Variants in ALG12 observed in about 807,000 individuals in gnomAD.
The protein encoded by ALG12 is dol-P-Man:Man(7)GlcNAc(2)-PP-Dol alpha-1,6-mannosyltransferase.
A neutral mutation model predicts 46.0 loss-of-function variants in ALG12; 36 were observed. The observed-to-expected ratio is 0.78, with a 90% CI of 0.60 to 1.03. ALG12 has a LOEUF of 1.03. Ranked by LOEUF, ALG12 falls within the 50% of genes least tolerant of loss-of-function variation. The pLI, the probability that ALG12 is intolerant of heterozygous loss-of-function variation, is 0.00. For synonymous variants in ALG12, 326 were observed against 291.6 expected (o/e 1.12, Z -1.20); for missense variants, 599 against 633.5 (o/e 0.95, Z 0.58).
the ALG12 span, among the ~76,000 whole-genome samples, chr22:49,862,197 G>A: frequency 1.3e-5 from 2 of 152,256 alleles, no homozygotes; most frequent in Non-Finnish European, 2.9e-5. Context: ...CCCGAGGGCG[G>A]TTGGCCCTGT....
intron 1 of ALG12, among the ~76,000 whole-genome samples, chr22:49,914,545 G>A (rs868511092): frequency 3.3e-5 from 5 of 152,336 alleles, no homozygotes; most frequent in Middle Eastern, 3.4e-3. Context: ...TCAGGGGCCC[G>A]TGGCACGGAG....
At chr22:49,899,598 C>T (rs1472957368), downstream of ALG12, among the ~76,000 whole-genome samples, 1 of 151,996 alleles carries the variant, frequency 6.6e-6, no homozygotes, top group East Asian at 1.9e-4. Flanking sequence ...GGGAACGTGG[C>T]AATACCCAAT....
chr22:49,913,498 G>T lies in ALG12; in HGVS notation c.182C>A (p.Pro61His), dbSNP rs2060592049. Reference sequence around the variant, plus strand: ...GAGGAACGTCCTGGGGACGACTCCGGGGAACTCAAGATGGTCGTACTGCGA... The same window carrying T: ...GAGGAACGTCCTGGGGACGACTCCGTGGAACTCAAGATGGTCGTACTGCGA... The part of the protein sequence containing the change: ...DLEQYDHLEF[P>H]GVVPRTFLGP... Residue 61 changes from proline to histidine, a missense_variant, in exon 3 of 10, where the codon CCC becomes CAC. Transcript: ENST00000330817. The T allele has an allele frequency of 1.2e-6, 2 of 1,613,860 alleles. No homozygotes were observed. Among genetic ancestry groups the T allele is most frequent in the African/African-American group, 1.3e-5 (1 of 74,954 alleles).
chr22:49,893,473 A>C, the ALG12 span, among the ~76,000 whole-genome samples: 2 of 152,244 alleles, frequency 1.3e-5, no homozygotes, highest in Admixed American at 6.5e-5. Flanking sequence ...CTGACTCTCT[A>C]AAACAAATAG....
intron 1 of ALG12, among the ~76,000 whole-genome samples, chr22:49,916,921 G>A (rs1254409843): frequency 6.6e-6 from 1 of 152,250 alleles, no homozygotes; most frequent in East Asian, 1.9e-4. Flanking sequence ...CCCCAGCAAG[G>A]AAGAGTTCAG....
chr22:49,895,805 C>T (rs966931793), downstream of ALG12, among the ~76,000 whole-genome samples: 2 of 152,094 alleles, frequency 1.3e-5, no homozygotes, highest in Non-Finnish European at 2.9e-5. Flanking sequence ...TAAAGAATTG[C>T]CTTCTACTTA....
In ALG12 at chr22:49,906,131, C is replaced by T. The variant is rs2060540701; in HGVS notation, c.992+1590G>A. ...TTTGTCCTCCTCCGGATAAGGCCGACTGGCACAGCAGGGGCCCTTGCATGG... is the reference window on the plus strand; with the variant it reads ...TTTGTCCTCCTCCGGATAAGGCCGATTGGCACAGCAGGGGCCCTTGCATGG... On this transcript the variant is annotated intron_variant, in intron 7 of 9. Coordinates refer to ENST00000330817, the MANE Select transcript of ALG12 (RefSeq NM_024105.4). The surrounding 1 kb of genome is among the most constrained non-coding windows in gnomAD (Gnocchi z 4.4). Among the ~76,000 whole-genome samples the T allele has an allele frequency of 6.6e-6, 1 of 152,198 alleles. No individual in the cohort carries two copies. Among genetic ancestry groups the T allele is most frequent in the Non-Finnish European group, 1.5e-5 (1 of 68,028 alleles).
chr22:49,913,735 G>C lies in ALG12; in HGVS notation c.31C>G (p.Pro11Ala). MAGKGSSGRRPLLLGLLVAVA... is the reference protein window; with the variant it reads MAGKGSSGRRALLLGLLVAVA... ...GCCACCAGCAGCCCCAGCAGCAGGG[G>C]CCGCCTGCCTGATGACCCCTTTCCA... is the stretch of plus-strand genomic sequence containing the variant. Residue 11 changes from proline (P) to alanine (A), a missense_variant, in exon 2 of 10, where the codon CCC becomes GCC. Coordinates refer to ENST00000330817, the MANE Select transcript of ALG12 (RefSeq NM_024105.4). 1 of 1,613,744 alleles carries C rather than the reference G, an allele frequency of 6.2e-7. No individual in the cohort carries two copies. The highest frequency in any genetic ancestry group is 8.5e-7 in the Non-Finnish European group (1 of 1,180,042).
chr22:49,877,135 C>T, the ALG12 span, among the ~76,000 whole-genome samples: 7 of 152,048 alleles, frequency 4.6e-5, no homozygotes, highest in African/African-American at 1.4e-4. Context: ...TTTTCCTAAA[C>T]GAGAAAAAGA....
intron 7 of ALG12, 56 bp from the exon 8 acceptor site, chr22:49,904,562 C>T: frequency 6.3e-7 from 1 of 1,595,434 alleles, no homozygotes; most frequent in East Asian, 2.2e-5. Context: ...TAAAATTAAT[C>T]TACCTACAAA....
the ALG12 span, among the ~76,000 whole-genome samples, chr22:49,874,380 T>G: frequency 6.6e-6 from 1 of 151,364 alleles, no homozygotes. Flanking sequence ...TGCTAATGTA[T>G]TGTTTTAATT....
At chr22:49,910,688 G>C in intron 3 of ALG12, 81 bp from the exon 4 acceptor site, 5 of 1,516,604 alleles carry the variant, frequency 3.3e-6, no homozygotes, top group Non-Finnish European at 4.6e-6. Context: ...CTTCTACACA[G>C]ATCTTTCTAT....
rs761098514 is a variant in ALG12 at position 49,903,867 on chromosome 22, G to A, written c.1438C>T (p.Leu480Phe). 9.3e-6 allele frequency: 15 copies of A among 1,614,130 alleles called. No individual in the cohort carries two copies. The highest frequency in any genetic ancestry group is 1.3e-5 in the Non-Finnish European group (15 of 1,180,040). The change falls in exon 10 of 10, where the codon CTT becomes TTT. Residue 480 changes from leucine to phenylalanine, a missense_variant. Physicochemically the swap from Leu to Phe is conservative, Grantham distance 22 (BLOSUM62 0). Transcript: ENST00000330817. ...FNVHLQTKLV[L>F]LERLPRPS ...GACGGCCGGGGGAGCCTCTCCAGAA[G>A]CACCAGCTTTGTCTGCAGGTGGACG...
rs757253800 is a variant in ALG12, at chr22:49,903,310, T to C, written c.*528A>G. The stretch of plus-strand genomic sequence containing the variant: ...CCTAAGATTTTATCTGTGATGGAGA[T>C]GGGATGCCTGTGAATACAAAAGTTG... On this transcript the variant is annotated 3_prime_UTR_variant, in exon 10 of 10. Transcript: ENST00000330817. 1.1e-4 allele frequency: 48 copies of C among 456,704 alleles called. No individual in the cohort carries two copies. The highest frequency in any genetic ancestry group is 1.7e-4 in the Non-Finnish European group (39 of 227,500). The allele number at this position is 456,704 out of a possible 1,614,324, so 28.3% of individuals were successfully genotyped here. A position where few individuals can be genotyped will look rare whatever the true frequency, so the allele number is the denominator to read the frequency against.
rs1197656677 is a variant in ALG12 at position 49,902,654 on chromosome 22, GGTGT to G, written c.*1180_*1183del. On this transcript the variant is annotated 3_prime_UTR_variant, in exon 10 of 10. Transcript: ENST00000330817. Reference sequence around the variant, plus strand: ...GGTAATGTGCACGTGTGCACTGTGTGGTGTGTATGCATGGTGTGTGCACGTGTGC... The same window carrying G: ...GGTAATGTGCACGTGTGCACTGTGTGGTATGCATGGTGTGTGCACGTGTGC... 3 of 150,004 alleles carry G rather than the reference GGTGT, an allele frequency of 2.0e-5. No individual in the cohort carries two copies. Among genetic ancestry groups the G allele is most frequent in the Admixed American group, 1.3e-4 (2 of 15,164 alleles). 9.3% of individuals were successfully genotyped at this position (150,004 alleles called of 1,614,324 possible).
chr22:49,890,324 GACA>G, the ALG12 span, among the ~76,000 whole-genome samples: 2 of 152,232 alleles, frequency 1.3e-5, no homozygotes, highest in East Asian at 3.9e-4. Context: ...CACCAACAAT[GACA>G]ACAACAAAAC....
Position 49,903,886 on chromosome 22 carries a change from G to A in ALG12, c.1419C>T (p.His473=). The A allele has an allele frequency of 1.9e-6, 3 of 1,614,236 alleles. No homozygotes were observed. The highest frequency in any genetic ancestry group is 2.5e-6 in the Non-Finnish European group (3 of 1,180,022). Residue 473 remains histidine (H), a synonymous_variant, in exon 10 of 10, where the codon CAC becomes CAT. Transcript: ENST00000330817. ...CCAGAAGCACCAGCTTTGTCTGCAGGTGGACGTTGAAGGGGGGCAGTTGGG... is the reference window on the plus strand; with the variant it reads ...CCAGAAGCACCAGCTTTGTCTGCAGATGGACGTTGAAGGGGGGCAGTTGGG... ...NLTQLPPFNV[H]LQTKLVLLER...
At chr22:49,882,635 G>A in the ALG12 span, among the ~76,000 whole-genome samples, 1 of 152,124 alleles carries the variant, frequency 6.6e-6, no homozygotes. Context: ...GCTCTCTCCT[G>A]TCTTTGTAAC....
Position 49,906,063 on chromosome 22 carries a change from G to T in ALG12, c.993-1557C>A, listed in dbSNP as rs757637943. On this transcript the variant is annotated intron_variant, in intron 7 of 9. Transcript: ENST00000330817. This position sits in a 1 kb window ranked among gnomAD's most constrained non-coding sequence, Gnocchi z 4.4. Reference sequence around the variant, plus strand: ...CGGGCTGAGGACCTGACTTCGGAGGGGGCCTTGCTCTACCCTGCACCCCCT... The same window carrying T: ...CGGGCTGAGGACCTGACTTCGGAGGTGGCCTTGCTCTACCCTGCACCCCCT... Among the ~76,000 whole-genome samples the T allele has an allele frequency of 1.3e-5, 2 of 152,070 alleles. No homozygotes were observed. The highest frequency in any genetic ancestry group is 2.9e-5 in the Non-Finnish European group (2 of 67,986).
Sources: allele counts gnomAD v4.1 joint callset (sites outside exome capture counted in the v4.1 genomes callset), GRCh38; gene constraint gnomAD v4.1.1; non-coding constraint Gnocchi (gnomAD v3.1); transcripts MANE v1.5; gene names NCBI Gene and HGNC (gene_info 2026-07-23, HGNC 2026-07-21).